ELMO1: variants seen among roughly 807,000 people sequenced by gnomAD.
The protein encoded by ELMO1 is engulfment and cell motility 1, also known as engulfment and cell motility protein 1.
A neutral mutation model predicts 98.9 loss-of-function variants in ELMO1; 26 were observed. The ratio of observed to expected loss-of-function variants is 0.26; its 90% CI spans 0.19 to 0.36. ELMO1 has a LOEUF of 0.36. ELMO1 is among the 10% of genes least tolerant of loss of function. The pLI is 1.00. For synonymous variants in ELMO1, 346 were observed against 346.0 expected (o/e 1.00, Z 0.00); for missense variants, 627 against 935.2 (o/e 0.67, Z 4.30).
At chr7:37,190,944 T>C (rs1791527572) in intron 13 of ELMO1, among the ~76,000 whole-genome samples, 1 of 151,766 alleles carries the variant, frequency 6.6e-6, no homozygotes. Flanking sequence ...ATCCCAGCAC[T>C]TTGGGAGGCA....
intron 15 of ELMO1, among the ~76,000 whole-genome samples, chr7:37,095,207 T>TG: frequency 6.6e-6 from 1 of 152,222 alleles, no homozygotes; most frequent in South Asian, 2.1e-4. Context: ...AACTCCCAGA[T>TG]GGTCCAGACA....
chr7:37,348,913 G>A (rs531444278), intron 1 of ELMO1, among the ~76,000 whole-genome samples: 75 of 152,294 alleles, frequency 4.9e-4, no homozygotes, highest in African/African-American at 1.8e-3. Flanking sequence ...TTGGGTGACT[G>A]CAATGGCTTT....
intron 4 of ELMO1, among the ~76,000 whole-genome samples, chr7:37,279,561 A>G (rs1168583745): frequency 6.6e-6 from 1 of 152,056 alleles, no homozygotes; most frequent in East Asian, 1.9e-4. Flanking sequence ...CCGAAAACAC[A>G]CCCCCACTAA....
At chr7:37,172,308 TAA>T (rs35800288) in intron 13 of ELMO1, among the ~76,000 whole-genome samples, 794 of 146,830 alleles carry the variant, frequency 5.4e-3, no homozygotes, top group Non-Finnish European at 6.7e-3. Flanking sequence ...GTGCTTACAT[TAA>T]AAAAAAAAAA....
intron 16 of ELMO1, among the ~76,000 whole-genome samples, chr7:36,949,015 C>A (rs970380844): frequency 2.0e-5 from 3 of 152,114 alleles, no homozygotes; most frequent in East Asian, 1.9e-4. Context: ...GCCACTACGC[C>A]CAGCTAATTT....
At position 37,213,320 on chromosome 7, in the gene ELMO1, C is replaced by T; in HGVS notation, c.954+15G>A. The T allele has an allele frequency of 5.6e-6, 9 of 1,611,654 alleles. No homozygotes were observed. The highest frequency in any genetic ancestry group is 7.6e-6 in the Non-Finnish European group (9 of 1,178,974). ...GTCCTTCCTGTGCTTTGACTGCTGT[C>T]CAATGAGCACTCACCTGGTCCTGGG... is the stretch of plus-strand genomic sequence containing the variant. On this transcript the variant is annotated intron_variant, in intron 12 of 21. Coordinates refer to ENST00000310758, the MANE Select transcript of ELMO1 (RefSeq NM_014800.11).
At chr7:37,244,224 C>T (rs1052320501) in intron 7 of ELMO1, 132 bp downstream of exon 7, 1 of 971,442 alleles carries the variant, frequency 1.0e-6, no homozygotes, top group Non-Finnish European at 1.5e-6. Flanking sequence ...AAATAGAAAA[C>T]AAAAATAACA....
chr7:36,861,283 A>G (rs942367541), intron 21 of ELMO1, among the ~76,000 whole-genome samples: 1 of 152,210 alleles, frequency 6.6e-6, no homozygotes, highest in African/African-American at 2.4e-5. Context: ...TAGAAAACCT[A>G]CTTCCTCAGA....
intron 4 of ELMO1, among the ~76,000 whole-genome samples, chr7:37,292,736 T>A (rs1583473996): frequency 1.2e-4 from 3 of 25,238 alleles, no homozygotes; most frequent in Admixed American, 4.6e-4. Flanking sequence ...GGGAGGGAGG[T>A]GGGGGGGTCA....
At chr7:37,251,563 C>T (rs1270001252) in intron 6 of ELMO1, among the ~76,000 whole-genome samples, 17 of 152,122 alleles carry the variant, frequency 1.1e-4, no homozygotes, top group Non-Finnish European at 1.5e-5. Context: ...TTTATTTCTC[C>T]TTCACTTATG....
intron 5 of ELMO1, among the ~76,000 whole-genome samples, chr7:37,267,020 A>G (rs1430154500): frequency 1.1e-5 from 1 of 93,082 alleles, no homozygotes; most frequent in Non-Finnish European, 2.3e-5. Context: ...CTAAAAAAAA[A>G]AAAAAAATAT....
intron 2 of ELMO1, among the ~76,000 whole-genome samples, chr7:37,329,676 C>T (rs1799999533): frequency 6.6e-6 from 1 of 152,226 alleles, no homozygotes; most frequent in African/African-American, 2.4e-5. Context: ...TCCACCTAAA[C>T]AGTCCTCTAC....
chr7:37,267,079 ACACACACACG>A (rs1796304209), intron 5 of ELMO1, among the ~76,000 whole-genome samples: 3 of 149,438 alleles, frequency 2.0e-5, no homozygotes, highest in Non-Finnish European at 4.4e-5. Context: ...ACACACACAC[ACACACACACG>A]AGTACTACTG....
chr7:37,186,721 T>G (rs10951510), intron 13 of ELMO1, among the ~76,000 whole-genome samples: 83,657 of 152,064 alleles, frequency 0.55, 24,400 homozygotes, highest in East Asian at 0.68. Flanking sequence ...TCAAATATTA[T>G]TAGCCATCTG....
At chr7:37,201,948 T>C (rs561721011) in intron 13 of ELMO1, among the ~76,000 whole-genome samples, 1 of 152,272 alleles carries the variant, frequency 6.6e-6, no homozygotes, top group Admixed American at 6.5e-5. Flanking sequence ...AACAGGCACA[T>C]CTCTGTGAGT....
At chr7:37,281,983 G>C (rs745509755) in intron 4 of ELMO1, among the ~76,000 whole-genome samples, 1 of 152,124 alleles carries the variant, frequency 6.6e-6, no homozygotes, top group African/African-American at 2.4e-5. Context: ...CAGGCATCTC[G>C]ATAGGATGTC....
At chr7:37,252,925 C>CA (rs1795434691) in intron 6 of ELMO1, among the ~76,000 whole-genome samples, 1 of 152,128 alleles carries the variant, frequency 6.6e-6, no homozygotes, top group African/African-American at 2.4e-5. Flanking sequence ...AGCATATGAA[C>CA]AGACACTTCT....
At chr7:37,323,016 T>G (rs1247770623) in intron 2 of ELMO1, among the ~76,000 whole-genome samples, 1 of 152,110 alleles carries the variant, frequency 6.6e-6, no homozygotes, top group Non-Finnish European at 1.5e-5. Flanking sequence ...GTTACCACAT[T>G]TCTATGTGCG....
intron 6 of ELMO1, among the ~76,000 whole-genome samples, chr7:37,255,029 C>T (rs1002440444): frequency 1.3e-5 from 2 of 152,170 alleles, no homozygotes; most frequent in Admixed American, 6.5e-5. Flanking sequence ...TGACAAGGCA[C>T]ATACATAGCA....
Sources: allele counts gnomAD v4.1 joint callset (sites outside exome capture counted in the v4.1 genomes callset), GRCh38; gene constraint gnomAD v4.1.1; transcripts MANE v1.5; gene names NCBI Gene and HGNC (gene_info 2026-07-23, HGNC 2026-07-21).